GPM6B: variants seen among roughly 807,000 people sequenced by gnomAD.
GPM6B encodes neuronal membrane glycoprotein M6-b.
A neutral mutation model predicts 27.2 loss-of-function variants in GPM6B; 4 were observed. The ratio of observed to expected loss-of-function variants is 0.15; its 90% CI spans 0.07 to 0.34. GPM6B has a LOEUF of 0.34. Among genes scored for constraint, GPM6B ranks in the 10% least tolerant of loss-of-function variants. The probability of loss-of-function intolerance (pLI) is 1.00; values close to 1 mark genes in which losing one functional copy is unlikely to be tolerated. For missense variants in GPM6B, 183 were observed against 261.9 expected, an observed-to-expected ratio of 0.70 and a Z score of 2.08; for synonymous variants, 124 against 103.1, an observed-to-expected ratio of 1.20 and a Z score of -1.23.
At chrX:13,775,751 T>C (rs1457594152) in intron 7 of GPM6B, among the ~76,000 whole-genome samples, 1 of 112,575 alleles carries the variant, frequency 8.9e-6, no homozygotes, top group Non-Finnish European at 1.9e-5. Flanking sequence ...AACCTAGCCA[T>C]GTATTTCCCC....
rs780063827 is a variant in GPM6B at position 13,780,028 on chromosome X, CAGGT to C, written c.526-43_526-40del. Reference sequence around the variant, plus strand: ...AGAGGAAGGACAATCATCACTGAAACAGGTAGATGTGTGTCCCCTAAGTGGAAGG... The same window carrying C: ...AGAGGAAGGACAATCATCACTGAAACAGATGTGTGTCCCCTAAGTGGAAGG... On this transcript the variant is annotated intron_variant, in intron 4 of 7. Transcript: ENST00000316715. 1.1e-4 allele frequency: 119 copies of C among 1,081,864 alleles called. No homozygotes were observed. In the Admixed American group the frequency reaches 1.6e-3, roughly 15 times the overall value. The allele number at this position is 1,081,864 out of a possible 1,213,427, so 89.2% of individuals were successfully genotyped here.
chrX:13,920,645 A>G (rs5979999), intron 1 of GPM6B, among the ~76,000 whole-genome samples: 28,357 of 110,761 alleles, frequency 0.26, 3,363 homozygotes, highest in African/African-American at 0.46. Flanking sequence ...TAATCCCAGC[A>G]CTTTGGGAGG....
At chrX:13,877,616 G>A (rs1406008375) in intron 1 of GPM6B, among the ~76,000 whole-genome samples, 2 of 107,821 alleles carry the variant, frequency 1.9e-5, no homozygotes, top group African/African-American at 6.8e-5. Flanking sequence ...GAGCCCAGGA[G>A]TTCAAGACCA....
chrX:13,809,952 G>GAAAAA (rs113730315), intron 1 of GPM6B, among the ~76,000 whole-genome samples: 1 of 80,234 alleles, frequency 1.2e-5, no homozygotes, highest in African/African-American at 4.9e-5. Context: ...TCCATCTCAG[G>GAAAAA]AAAAAAAAAA....
intron 1 of GPM6B, among the ~76,000 whole-genome samples, chrX:13,892,464 A>G (rs1020982593): frequency 1.8e-5 from 2 of 112,009 alleles, no homozygotes; most frequent in Admixed American, 9.4e-5. Flanking sequence ...CACACAATCA[A>G]TTTCTGTCCA....
rs777568394 is a variant in GPM6B, at chrX:13,823,304, C to T, written c.-197-37496G>A. Among the ~76,000 whole-genome samples the T allele has an allele frequency of 5.3e-5, 6 of 112,182 alleles. No individual in the cohort carries two copies. In the South Asian group the frequency reaches 1.5e-3, roughly 28 times the overall value. On this transcript the variant is annotated intron_variant, in intron 1 of 6. Coordinates refer to the GPM6B transcript ENST00000398361. Reference sequence around the variant, plus strand: ...GTAGAGGTGGAGCCCAGGCAGGTCACTGTCATGAAACTGGCTAACATCGAT... The same window carrying T: ...GTAGAGGTGGAGCCCAGGCAGGTCATTGTCATGAAACTGGCTAACATCGAT...
chrX:13,902,854 C>T, intron 1 of GPM6B, among the ~76,000 whole-genome samples: 1 of 112,011 alleles, frequency 8.9e-6, no homozygotes, highest in Non-Finnish European at 1.9e-5. Context: ...CTGACCCAGT[C>T]TCATAAAGAA....
chrX:13,773,096 AG>A (rs767040348), intron 7 of GPM6B, 66 bp from the exon 8 acceptor site: 474 of 1,001,447 alleles, frequency 4.7e-4, no homozygotes, highest in Non-Finnish European at 5.9e-4. Flanking sequence ...GGCGCTAGTT[AG>A]ATTAGACAGA....
At chrX:13,841,082 A>G (rs1055224863) in intron 1 of GPM6B, among the ~76,000 whole-genome samples, 1 of 112,073 alleles carries the variant, frequency 8.9e-6, no homozygotes, top group Admixed American at 9.3e-5. Context: ...ACATATGTAC[A>G]TGCATGAACG....
At chrX:13,899,998 C>T (rs992712169) in intron 1 of GPM6B, among the ~76,000 whole-genome samples, 1 of 112,082 alleles carries the variant, frequency 8.9e-6, no homozygotes, top group Admixed American at 9.5e-5. Flanking sequence ...ATAAGTAGAA[C>T]TTCATTATAT....
At chrX:13,868,618 A>G (rs966846785) in intron 1 of GPM6B, among the ~76,000 whole-genome samples, 2 of 112,511 alleles carry the variant, frequency 1.8e-5, no homozygotes, top group African/African-American at 6.5e-5. Flanking sequence ...ATGGTTGCAT[A>G]AGAGTTTTTC....
chrX:13,880,702 G>A (rs1286691752), intron 1 of GPM6B, among the ~76,000 whole-genome samples: 1 of 91,222 alleles, frequency 1.1e-5, no homozygotes, highest in Non-Finnish European at 2.0e-5. Flanking sequence ...GGCAAATCAG[G>A]TTCTATTACT....
intron 7 of GPM6B, 58 bp from the exon 8 acceptor site, chrX:13,773,088 C>T (rs1602957238): frequency 2.2e-5 from 24 of 1,072,998 alleles, no homozygotes; most frequent in Non-Finnish European, 3.0e-5. Context: ...CAAAGCGAGG[C>T]GCTAGTTAGA....
rs183093655 is a variant in GPM6B, at chrX:13,884,580, G to A, written c.-198+53747C>T. Among the ~76,000 whole-genome samples, 15 of 112,234 alleles carry A rather than the reference G, an allele frequency of 1.3e-4. No homozygotes were observed. In the East Asian group the frequency reaches 3.4e-3, roughly 25 times the overall value. On this transcript the variant is annotated intron_variant, in intron 1 of 6. Coordinates refer to the GPM6B transcript ENST00000398361. ...AAATGTTTTTAAGGACCTATCAATC[G>A]ATAATGCAAACTCTCTAACCTAAGG...
intron 1 of GPM6B, among the ~76,000 whole-genome samples, chrX:13,890,197 C>T (rs1450590540): frequency 6.3e-5 from 7 of 111,514 alleles, no homozygotes; most frequent in African/African-American, 9.8e-5. Context: ...AAAACCAAGA[C>T]GGTGATGAGA....
At chrX:13,797,012 C>T (rs2048828639) in intron 2 of GPM6B, among the ~76,000 whole-genome samples, 1 of 112,477 alleles carries the variant, frequency 8.9e-6, no homozygotes, top group Non-Finnish European at 1.9e-5. Flanking sequence ...CCAGATGACA[C>T]AGATTTTAAG....
intron 1 of GPM6B, among the ~76,000 whole-genome samples, chrX:13,872,572 T>C (rs1342903759): frequency 1.8e-5 from 2 of 109,455 alleles, no homozygotes; most frequent in Non-Finnish European, 3.8e-5. Flanking sequence ...TATGGTCACC[T>C]AGGCTGAGGG....
chrX:13,880,579 G>C (rs745783828), intron 1 of GPM6B, among the ~76,000 whole-genome samples: 5 of 104,932 alleles, frequency 4.8e-5, no homozygotes, highest in Non-Finnish European at 9.6e-5. Flanking sequence ...GGGAGGCTGA[G>C]GCGGGAGAAT....
At position 13,783,948 on chromosome X, in the gene GPM6B, A is replaced by G. The variant is rs143840491; in HGVS notation, c.369-427T>C. ...TTCTGCCCTTTCAAAATGCCTCCCA[A>G]CCAGGCCTAGTGGTTAATGTCACTC... On this transcript the variant is annotated intron_variant, in intron 3 of 7. Coordinates refer to ENST00000316715, the MANE Select transcript of GPM6B (RefSeq NM_001001995.3). The G allele has an allele frequency of 5.1e-3, 1,580 of 312,773 alleles. 25 individuals carry two copies. The highest frequency in any genetic ancestry group is 0.039 in the African/African-American group (1,457 of 37,375). 25.8% of individuals were successfully genotyped at this position (312,773 alleles called of 1,213,427 possible).
Sources: allele counts gnomAD v4.1 joint callset (sites outside exome capture counted in the v4.1 genomes callset), GRCh38; gene constraint gnomAD v4.1.1; transcripts MANE v1.5; gene names NCBI Gene and HGNC (gene_info 2026-07-23, HGNC 2026-07-21).